Variants in USP25 observed in about 807,000 individuals in gnomAD.
USP25 encodes the protein ubiquitin carboxyl-terminal hydrolase 25.
Under a neutral mutation model 158.5 loss-of-function variants are expected in USP25, and 85 were observed. That is an observed-to-expected ratio of 0.54 (90% CI 0.45 to 0.64). The LOEUF is 0.64. Among genes scored for constraint, USP25 ranks in the 30% least tolerant of loss-of-function variants. USP25 has a pLI of 0.00. For synonymous variants in USP25, 464 were observed against 460.4 expected, an observed-to-expected ratio of 1.01 and a Z score of -0.10; for missense variants, 1,242 against 1,327.3, an observed-to-expected ratio of 0.94 and a Z score of 1.00.
At chr21:15,824,512 GTCTT>G (rs1475771153) in intron 11 of USP25, among the ~76,000 whole-genome samples, 4 of 142,282 alleles carry the variant, frequency 2.8e-5, no homozygotes, top group Non-Finnish European at 4.4e-5. Flanking sequence ...CTATCTTTCT[GTCTT>G]TCTTTCTGTC....
At chr21:15,815,230 T>C (rs536339516) in intron 9 of USP25, among the ~76,000 whole-genome samples, 31 of 152,204 alleles carry the variant, frequency 2.0e-4, no homozygotes, top group African/African-American at 6.0e-4. Context: ...AGAAGATGTA[T>C]AGAAATGCCT....
At chr21:15,741,394 G>A (rs2032046140) in intron 1 of USP25, among the ~76,000 whole-genome samples, 1 of 151,704 alleles carries the variant, frequency 6.6e-6, no homozygotes, top group Non-Finnish European at 1.5e-5. Context: ...ATACATAGGT[G>A]TAGAATTGTT....
intron 9 of USP25, among the ~76,000 whole-genome samples, chr21:15,817,347 A>G (rs1406051023): frequency 6.6e-6 from 1 of 151,794 alleles, no homozygotes; most frequent in Non-Finnish European, 1.5e-5. Context: ...TCTTTTCTGT[A>G]TTTTTACTTT....
intron 4 of USP25, among the ~76,000 whole-genome samples, chr21:15,781,772 G>C (rs772545532): frequency 1.3e-5 from 2 of 152,046 alleles, no homozygotes; most frequent in Non-Finnish European, 2.9e-5. Flanking sequence ...ACCACCACAG[G>C]TGCCAGCAGT....
At chr21:15,818,383 T>G (rs976783747) in intron 9 of USP25, among the ~76,000 whole-genome samples, 4 of 152,178 alleles carry the variant, frequency 2.6e-5, no homozygotes, top group African/African-American at 9.7e-5. Context: ...ACCATATCTC[T>G]CTTGTTCACT....
chr21:15,752,090 C>T (rs558498825), intron 1 of USP25, among the ~76,000 whole-genome samples: 3 of 152,080 alleles, frequency 2.0e-5, no homozygotes, highest in Non-Finnish European at 2.9e-5. Context: ...TGCGCCACCA[C>T]GCCTGGCTAA....
chr21:15,787,902 A>ACCCCCCCCCC (rs5842545), intron 4 of USP25, among the ~76,000 whole-genome samples: 12 of 83,636 alleles, frequency 1.4e-4, no homozygotes, highest in Admixed American at 2.7e-4. Context: ...ACACCCCCTC[A>ACCCCCCCCCC]CCCCCCCCCC....
At chr21:15,864,583 C>T in intron 21 of USP25, 137 bp downstream of exon 21, 1 of 745,748 alleles carries the variant, frequency 1.3e-6, no homozygotes, top group Non-Finnish European at 2.0e-6. Context: ...AAAATTTGAA[C>T]TCAATGTGAC....
chr21:15,815,739 G>C (rs559228433), intron 9 of USP25, among the ~76,000 whole-genome samples: 1 of 152,252 alleles, frequency 6.6e-6, no homozygotes, highest in African/African-American at 2.4e-5. Flanking sequence ...AAATCAGTCA[G>C]TGTTACAGTT....
At chr21:15,870,398 A>C (rs1024566404) in intron 23 of USP25, among the ~76,000 whole-genome samples, 2 of 152,186 alleles carry the variant, frequency 1.3e-5, no homozygotes, top group Non-Finnish European at 2.9e-5. Context: ...ATTAGCTCTC[A>C]AACACTACCC....
chr21:15,774,801 A>G (rs1267424883), intron 3 of USP25, among the ~76,000 whole-genome samples: 1 of 152,222 alleles, frequency 6.6e-6, no homozygotes, highest in Non-Finnish European at 1.5e-5. Flanking sequence ...GTGAGTGTGT[A>G]TATTTGTGAC....
chr21:15,805,398 T>C, intron 7 of USP25, 140 bp downstream of exon 7: 1 of 815,752 alleles, frequency 1.2e-6, no homozygotes, highest in Non-Finnish European at 1.7e-6. Flanking sequence ...TTTAAAACAT[T>C]TGGGAGACTT....
chr21:15,765,827 T>C (rs377504120), intron 2 of USP25, among the ~76,000 whole-genome samples, 170 bp from the exon 3 acceptor site: 2 of 152,106 alleles, frequency 1.3e-5, no homozygotes, highest in African/African-American at 2.4e-5. Context: ...ACTATTGATA[T>C]AGTATACTTT....
rs1209192894 is a variant in USP25, at chr21:15,791,619, G to A, written c.510G>A (p.Gly170=). The part of the protein sequence containing the change: ...DRKRQDKAPV[G]LKNVGNTCWF... Reference sequence around the variant, plus strand: ...AAAGACAGGACAAAGCTCCCGTTGGGCTAAAGAATGTTGGCAATACTTGTT... The same window carrying A: ...AAAGACAGGACAAAGCTCCCGTTGGACTAAAGAATGTTGGCAATACTTGTT... The change falls in exon 5 of 26, where the codon GGG becomes GGA. Residue 170 remains glycine, a synonymous_variant. Transcript: ENST00000400183. The A allele has an allele frequency of 2.5e-6, 4 of 1,611,088 alleles. No homozygotes were observed. Among genetic ancestry groups the A allele is most frequent in the Non-Finnish European group, 3.4e-6 (4 of 1,178,128 alleles).
intron 17 of USP25, among the ~76,000 whole-genome samples, chr21:15,842,195 A>G (rs1467651290): frequency 1.3e-5 from 2 of 152,276 alleles, no homozygotes; most frequent in East Asian, 3.9e-4. Flanking sequence ...TTTCATAATT[A>G]TTGGAGTACT....
At position 15,864,460 on chromosome 21, in the gene USP25, A is replaced by T; in HGVS notation, c.2726+14A>T. ...TTTTGATGAAAGGTAATTTGAAAGT[A>T]TAAAATTCATATGCTCAAATCGTTC... On this transcript the variant is annotated intron_variant, in intron 21 of 25. Transcript: ENST00000400183. 1 of 1,578,170 alleles carries T rather than the reference A, an allele frequency of 6.3e-7. No homozygotes were observed. Among genetic ancestry groups the T allele is most frequent in the Non-Finnish European group, 8.6e-7 (1 of 1,164,874 alleles).
chr21:15,805,282 TCATTA>T, intron 7 of USP25, 24 bp downstream of exon 7: 1 of 1,560,032 alleles, frequency 6.4e-7, no homozygotes, highest in Non-Finnish European at 8.6e-7. Flanking sequence ...ACTGACTTGT[TCATTA>T]ACCATTTGTA....
At chr21:15,837,521 A>G (rs979435337) in intron 17 of USP25, among the ~76,000 whole-genome samples, 3 of 152,350 alleles carry the variant, frequency 2.0e-5, no homozygotes, top group Middle Eastern at 3.4e-3. Context: ...GATCTGATAC[A>G]GTGCTATCTT....
intron 20 of USP25, among the ~76,000 whole-genome samples, chr21:15,850,792 A>G (rs867886351): frequency 6.6e-6 from 1 of 152,130 alleles, no homozygotes; most frequent in Middle Eastern, 3.4e-3. Flanking sequence ...TAGTAGACCT[A>G]TCAATAAGCA....
Sources: allele counts gnomAD v4.1 joint callset (sites outside exome capture counted in the v4.1 genomes callset), GRCh38; gene constraint gnomAD v4.1.1; transcripts MANE v1.5; gene names NCBI Gene and HGNC (gene_info 2026-07-23, HGNC 2026-07-21).